Variants in CA5B observed in about 807,000 individuals in gnomAD.
CA5B encodes the protein carbonic anhydrase 5B, also known as carbonic anhydrase 5B, mitochondrial.
In CA5B, 15 loss-of-function variants were observed where a neutral mutation model predicts 23.1. The ratio of observed to expected loss-of-function variants is 0.65; its 90% CI spans 0.43 to 1.00. CA5B has a LOEUF of 1.00. Among genes scored for constraint, CA5B ranks in the 50% least tolerant of loss-of-function variants. The pLI is 0.00. For synonymous variants in CA5B, 84 were observed against 98.5 expected (o/e 0.85, Z 0.87); for missense variants, 236 against 252.2 (o/e 0.94, Z 0.43).
At chrX:15,782,440 G>A (rs1246884301) in intron 7 of CA5B, 45 bp from the exon 8 acceptor site, 11 of 1,110,603 alleles carry the variant, frequency 9.9e-6, no homozygotes, top group African/African-American at 5.4e-5. Flanking sequence ...GAGGTAAAGC[G>A]AGTTTTCTGT....
intron 3 of CA5B, chrX:15,768,919 G>A (rs1177105709): frequency 8.9e-6 from 1 of 111,980 alleles, no homozygotes; most frequent in Non-Finnish European, 1.9e-5. Flanking sequence ...AAAAGGAGCT[G>A]GGGAAGGTAT....
At chrX:15,771,451 G>C (rs765702970) in intron 3 of CA5B, among the ~76,000 whole-genome samples, 61 of 108,425 alleles carry the variant, frequency 5.6e-4, no homozygotes, top group Non-Finnish European at 9.8e-4. Flanking sequence ...GTTTGCGACA[G>C]AGTCTCGGTC....
intron 1 of CA5B, among the ~76,000 whole-genome samples, chrX:15,747,031 A>G (rs1931248633): frequency 9.0e-6 from 1 of 111,728 alleles, no homozygotes; most frequent in South Asian, 3.7e-4. Context: ...ACTCGTCCCC[A>G]GGCAAGAAGG....
intron 5 of CA5B, among the ~76,000 whole-genome samples, chrX:15,774,824 C>T (rs954996139): frequency 2.7e-5 from 3 of 111,297 alleles, no homozygotes; most frequent in Admixed American, 9.5e-5. Context: ...GGCAACAGAG[C>T]GAGACTCCAT....
intron 7 of CA5B, among the ~76,000 whole-genome samples, chrX:15,780,825 A>C (rs1402089108): frequency 3.6e-5 from 4 of 112,082 alleles, no homozygotes; most frequent in Non-Finnish European, 7.5e-5. Context: ...CTGCCTCTTC[A>C]GCTCTATTTG....
chrX:15,769,516 G>A (rs1362750710), intron 3 of CA5B: 2 of 749,541 alleles, frequency 2.7e-6, no homozygotes, highest in Non-Finnish European at 3.1e-6. Context: ...GGAGAGGTGA[G>A]TGCCTTTGTT....
chrX:15,746,274 T>C (rs1040762295), intron 1 of CA5B, among the ~76,000 whole-genome samples: 2 of 110,747 alleles, frequency 1.8e-5, no homozygotes, highest in African/African-American at 3.3e-5. Context: ...CTCGATCTCC[T>C]GACCTCATGA....
At chrX:15,766,404 T>G (rs1385999194) in intron 3 of CA5B, among the ~76,000 whole-genome samples, 2 of 111,216 alleles carry the variant, frequency 1.8e-5, no homozygotes, top group Non-Finnish European at 3.8e-5. Context: ...TTTAGGTGTT[T>G]CCATGTCCCC....
At chrX:15,750,299 A>C in intron 2 of CA5B, 134 bp downstream of exon 2, 1 of 495,440 alleles carries the variant, frequency 2.0e-6, no homozygotes, top group Admixed American at 3.8e-5. Flanking sequence ...TCATCTTTAT[A>C]ATAATCACAC....
chrX:15,744,975 C>T (rs979971436), intron 1 of CA5B, among the ~76,000 whole-genome samples: 2 of 109,584 alleles, frequency 1.8e-5, no homozygotes, highest in Non-Finnish European at 3.8e-5. Context: ...TCGAGACCAG[C>T]CTGGCCAACA....
chrX:15,746,358 A>G (rs1931234221), intron 1 of CA5B, among the ~76,000 whole-genome samples: 1 of 111,198 alleles, frequency 9.0e-6, no homozygotes, highest in Non-Finnish European at 1.9e-5. Flanking sequence ...CTTCTTGTAT[A>G]GTGTAACTGA....
chrX:15,741,488 GT>G (rs1555991847), intron 1 of CA5B, among the ~76,000 whole-genome samples: 1 of 104,224 alleles, frequency 9.6e-6, no homozygotes, highest in South Asian at 4.3e-4. Flanking sequence ...TTGTTTGTTT[GT>G]TTTTTTTTGA....
intron 1 of CA5B, among the ~76,000 whole-genome samples, chrX:15,747,126 A>G (rs1432221485): frequency 6.3e-5 from 7 of 111,985 alleles, no homozygotes; most frequent in Non-Finnish European, 1.1e-4. Flanking sequence ...AGTTCAGCCT[A>G]TGTCCAGGAA....
intron 2 of CA5B, among the ~76,000 whole-genome samples, chrX:15,762,084 A>G (rs540250892): frequency 2.1e-4 from 23 of 111,132 alleles, no homozygotes; most frequent in African/African-American, 7.5e-4. Flanking sequence ...CCGGGCCAAC[A>G]CAGCGAAACC....
At chrX:15,781,891 G>T (rs1932029243) in intron 7 of CA5B, among the ~76,000 whole-genome samples, 1 of 104,381 alleles carries the variant, frequency 9.6e-6, no homozygotes. Context: ...TCTAACCTGG[G>T]TGGGTGACAG....
intron 4 of CA5B, among the ~76,000 whole-genome samples, chrX:15,773,344 C>T (rs971180048): frequency 9.2e-6 from 1 of 108,651 alleles, no homozygotes; most frequent in African/African-American, 3.4e-5. Context: ...ACTGCAGCCT[C>T]GACCTTAAGC....
rs16980138 is a variant in CA5B, at chrX:15,783,159, A to G, written c.*495A>G. ...CAAAATTTTTAACATGTGGTAAGGC[A>G]CAGACACTGACCAGAACTCAGGCCT... is the stretch of plus-strand genomic sequence containing the variant. On this transcript the variant is annotated 3_prime_UTR_variant, in exon 8 of 8. Coordinates refer to ENST00000318636, the MANE Select transcript of CA5B (RefSeq NM_007220.4). 0.029 allele frequency: 3,269 copies of G among 113,184 alleles called. 128 individuals carry two copies. Among genetic ancestry groups the G allele is most frequent in the African/African-American group, 0.097 (3,014 of 30,978 alleles). 9.3% of individuals were successfully genotyped at this position (113,184 alleles called of 1,213,427 possible).
At chrX:15,753,313 GT>G (rs1931416808) in intron 2 of CA5B, among the ~76,000 whole-genome samples, 1 of 112,912 alleles carries the variant, frequency 8.9e-6, no homozygotes, top group Non-Finnish European at 1.9e-5. Flanking sequence ...AAGATTTTCT[GT>G]TTGGCAGTTG....
intron 2 of CA5B, chrX:15,762,877 A>G (rs746025375): frequency 9.4e-5 from 34 of 361,601 alleles, no homozygotes; most frequent in Non-Finnish European, 1.6e-4. Context: ...TGCTCATCAC[A>G]CTTGGGGGTC....
Sources: allele counts gnomAD v4.1 joint callset (sites outside exome capture counted in the v4.1 genomes callset), GRCh38; gene constraint gnomAD v4.1.1; transcripts MANE v1.5; gene names NCBI Gene and HGNC (gene_info 2026-07-23, HGNC 2026-07-21).